Variants in DEPTOR observed in about 807,000 individuals in gnomAD.
DEPTOR encodes the protein DEP domain-containing mTOR-interacting protein.
A neutral mutation model predicts 41.6 loss-of-function variants in DEPTOR; 41 were observed. That is an observed-to-expected ratio of 0.98 (90% CI 0.77 to 1.28). The LOEUF (loss-of-function observed/expected upper bound fraction) is 1.28. Among genes scored for constraint, DEPTOR ranks in the 50% most tolerant of loss-of-function variants. The pLI is 0.00. For missense variants in DEPTOR, 514 were observed against 527.9 expected, an observed-to-expected ratio of 0.97 and a Z score of 0.26; for synonymous variants, 195 against 192.3, an observed-to-expected ratio of 1.01 and a Z score of -0.12.
chr8:119,885,800 T>C (rs1827356618), intron 1 of DEPTOR, among the ~76,000 whole-genome samples: 2 of 152,358 alleles, frequency 1.3e-5, no homozygotes, highest in South Asian at 2.1e-4. Context: ...CATTTCACTG[T>C]ATTGCTTTAT....
intron 7 of DEPTOR, among the ~76,000 whole-genome samples, chr8:120,007,657 G>C (rs558440789): frequency 6.6e-6 from 1 of 152,106 alleles, no homozygotes; most frequent in Non-Finnish European, 1.5e-5. Context: ...ATTGCCTCAG[G>C]CTGGGGGAGA....
chr8:119,939,106 A>G (rs907972556), intron 3 of DEPTOR, among the ~76,000 whole-genome samples: 4 of 152,218 alleles, frequency 2.6e-5, no homozygotes, highest in Non-Finnish European at 2.9e-5. Context: ...TCAGTGTTTT[A>G]TAACTCTAAA....
intron 1 of DEPTOR, among the ~76,000 whole-genome samples, chr8:119,886,161 T>C (rs1827361098): frequency 6.6e-6 from 1 of 152,228 alleles, no homozygotes; most frequent in Non-Finnish European, 1.5e-5. Context: ...TAAAATTTAA[T>C]TCATTCTCTG....
intron 3 of DEPTOR, among the ~76,000 whole-genome samples, chr8:119,943,177 G>A (rs544242281): frequency 1.3e-5 from 2 of 152,336 alleles, no homozygotes; most frequent in East Asian, 3.9e-4. Flanking sequence ...CTAGTAGGAA[G>A]TAGGTGGAAG....
intron 1 of DEPTOR, among the ~76,000 whole-genome samples, chr8:119,904,929 C>G (rs942452551): frequency 6.7e-6 from 1 of 149,344 alleles, no homozygotes; most frequent in African/African-American, 2.5e-5. Flanking sequence ...GTAGCTAGGA[C>G]TACAGGCACA....
At position 120,049,997 on chromosome 8, in the gene DEPTOR, T is replaced by G. The variant is rs1813212023; in HGVS notation, c.*293T>G. ...CTCATTCATTGTTTTTTATCTTAGT[T>G]TGCAGAAAGGTGTTGAAATGCTTCT... On this transcript the variant is annotated 3_prime_UTR_variant, in exon 9 of 9. Transcript: ENST00000286234. 1 of 221,220 alleles carries G rather than the reference T, an allele frequency of 4.5e-6. No homozygotes were observed. The highest frequency in any genetic ancestry group is 2.3e-5 in the African/African-American group (1 of 43,936). The allele number at this position is 221,220 out of a possible 1,614,324, so 13.7% of individuals were successfully genotyped here.
At chr8:119,935,441 C>T (rs915230387) in intron 3 of DEPTOR, among the ~76,000 whole-genome samples, 1 of 152,082 alleles carries the variant, frequency 6.6e-6, no homozygotes, top group African/African-American at 2.4e-5. Context: ...AAAAAGCTGG[C>T]CAGACACGGT....
At chr8:120,009,268 C>G in intron 8 of DEPTOR, 135 bp downstream of exon 8, 1 of 770,648 alleles carries the variant, frequency 1.3e-6, no homozygotes, top group Non-Finnish European at 2.1e-6. Context: ...CTTTCTTGTT[C>G]TCCAAAGTCT....
At chr8:119,993,832 T>C (rs1164628616) in intron 4 of DEPTOR, among the ~76,000 whole-genome samples, 4 of 152,046 alleles carry the variant, frequency 2.6e-5, no homozygotes, top group African/African-American at 9.7e-5. Context: ...TTATATTCAG[T>C]ATGGAGTATT....
chr8:119,893,811 C>G (rs1403814047), intron 1 of DEPTOR, among the ~76,000 whole-genome samples: 1 of 151,898 alleles, frequency 6.6e-6, no homozygotes, highest in Non-Finnish European at 1.5e-5. Context: ...TCTTGAGATT[C>G]AGAACACTAC....
intron 3 of DEPTOR, among the ~76,000 whole-genome samples, chr8:119,945,819 T>C (rs1176601305): frequency 6.6e-6 from 1 of 152,164 alleles, no homozygotes; most frequent in African/African-American, 2.4e-5. Context: ...GGGTCAGCGT[T>C]AGGCTGTGCT....
chr8:119,918,545 C>T (rs1827845250), intron 1 of DEPTOR, among the ~76,000 whole-genome samples: 1 of 152,122 alleles, frequency 6.6e-6, no homozygotes, highest in Non-Finnish European at 1.5e-5. Context: ...ACTGCAACCT[C>T]CGCCTCCTGG....
chr8:119,959,783 G>T (rs1005051029), intron 3 of DEPTOR, among the ~76,000 whole-genome samples: 2 of 151,864 alleles, frequency 1.3e-5, no homozygotes, highest in Non-Finnish European at 2.9e-5. Context: ...CACCCTCCTT[G>T]GCCTCAAAAT....
intron 8 of DEPTOR, among the ~76,000 whole-genome samples, chr8:120,012,860 T>A (rs759612079): frequency 6.6e-6 from 1 of 151,676 alleles, no homozygotes; most frequent in African/African-American, 2.4e-5. Context: ...ATTACAATCT[T>A]ATAAGATGAT....
At chr8:119,874,153 A>G in intron 1 of DEPTOR, 185 bp downstream of exon 1, 1 of 935,666 alleles carries the variant, frequency 1.1e-6, no homozygotes. Context: ...GTCCCTGAGG[A>G]CTCGCTCGCC....
At chr8:119,903,452 G>A (rs546377585) in intron 1 of DEPTOR, among the ~76,000 whole-genome samples, 1 of 152,082 alleles carries the variant, frequency 6.6e-6, no homozygotes, top group African/African-American at 2.4e-5. Flanking sequence ...CCTTAATGAG[G>A]GTCTTCCTAA....
chr8:119,934,603 G>A (rs1042689250), intron 3 of DEPTOR, among the ~76,000 whole-genome samples: 3 of 152,236 alleles, frequency 2.0e-5, no homozygotes, highest in Non-Finnish European at 2.9e-5. Flanking sequence ...AGGACTGACC[G>A]AGATCCATCT....
intron 8 of DEPTOR, 110 bp downstream of exon 8, chr8:120,009,243 C>G (rs1235872691): frequency 2.2e-6 from 2 of 896,678 alleles, no homozygotes; most frequent in African/African-American, 3.4e-5. Flanking sequence ...GTGTCCTTTT[C>G]TATTTCTGCC....
chr8:120,015,607 T>C (rs1812596484), intron 8 of DEPTOR, among the ~76,000 whole-genome samples: 1 of 152,004 alleles, frequency 6.6e-6, no homozygotes, highest in African/African-American at 2.4e-5. Flanking sequence ...AAAAACGACA[T>C]GGACACACGT....
Sources: gnomAD v4.1 joint callset for allele counts (sites outside exome capture counted in the v4.1 genomes callset) on GRCh38, gnomAD v4.1.1 for gene constraint, MANE v1.5 for transcripts, NCBI Gene and HGNC (gene_info 2026-07-23, HGNC 2026-07-21) for gene names.